The following CACNG2 variants were observed in gnomAD, a reference collection of about 807,000 sequenced individuals.
CACNG2 encodes the protein voltage-dependent calcium channel gamma-2 subunit.
Under a neutral mutation model 25.9 loss-of-function variants are expected in CACNG2, and 3 were observed. That is an observed-to-expected ratio of 0.12 (90% CI 0.05 to 0.30). The LOEUF (loss-of-function observed/expected upper bound fraction) is 0.30, where lower values mean the gene tolerates loss of function less well. CACNG2 is among the 10% of genes least tolerant of loss of function. The probability of loss-of-function intolerance (pLI) is 1.00; values close to 1 mark genes in which losing one functional copy is unlikely to be tolerated. For missense variants in CACNG2, 341 were observed against 432.5 expected, an observed-to-expected ratio of 0.79 and a Z score of 1.88; for synonymous variants, 167 against 173.3, an observed-to-expected ratio of 0.96 and a Z score of 0.29.
At chr22:36,686,930 T>TA (rs1373755322) in intron 1 of CACNG2, among the ~76,000 whole-genome samples, 1 of 152,242 alleles carries the variant, frequency 6.6e-6, no homozygotes, top group Non-Finnish European at 1.5e-5. Context: ...GAATAAAGGT[T>TA]ATCTTTTCCA....
rs1056243724 is a variant in CACNG2 at position 36,616,559 on chromosome 22, G to A, written c.212-29011C>T. Among the ~76,000 whole-genome samples, 6 of 152,142 alleles carry A rather than the reference G, an allele frequency of 3.9e-5. No homozygotes were observed. In the South Asian group the frequency reaches 1.2e-3, roughly 32 times the overall value. On this transcript the variant is annotated intron_variant, in intron 1 of 3. Coordinates refer to ENST00000300105, the MANE Select transcript of CACNG2 (RefSeq NM_006078.5). Reference sequence around the variant, plus strand: ...TATTGCTGATAGAGGTCTGGACAAAGTGTGACTGTTTTCCTTTTTCATTGA... The same window carrying A: ...TATTGCTGATAGAGGTCTGGACAAAATGTGACTGTTTTCCTTTTTCATTGA...
At position 36,635,216 on chromosome 22, in the gene CACNG2, G is replaced by T. The variant is rs565385220; in HGVS notation, c.212-47668C>A. Among the ~76,000 whole-genome samples the T allele has an allele frequency of 9.9e-5, 15 of 151,486 alleles. No individual in the cohort carries two copies. The South Asian group carries it at 2.9e-3, about 30-fold the overall frequency. ...GGAGAATGGTGTGAACCCGGGAGGC[G>T]GAGCTTGCAGTGAGCTGAGATTGCG... On this transcript the variant is annotated intron_variant, in intron 1 of 3. Coordinates refer to ENST00000300105, the MANE Select transcript of CACNG2 (RefSeq NM_006078.5).
chr22:36,578,263 C>A (rs1254080576), intron 2 of CACNG2, among the ~76,000 whole-genome samples: 1 of 150,604 alleles, frequency 6.6e-6, no homozygotes, highest in East Asian at 1.9e-4. Context: ...GCTACTGAGA[C>A]AGAAGAATTG....
intron 2 of CACNG2, among the ~76,000 whole-genome samples, chr22:36,572,897 C>T (rs928669754): frequency 5.9e-5 from 9 of 152,102 alleles, no homozygotes; most frequent in African/African-American, 1.7e-4. Flanking sequence ...GAGTGCCCAC[C>T]GCTGTGCTAG....
At chr22:36,629,506 TTG>T (rs150636418) in intron 1 of CACNG2, among the ~76,000 whole-genome samples, 71 of 148,422 alleles carry the variant, frequency 4.8e-4, no homozygotes, top group African/African-American at 1.5e-3. Context: ...GTGTGTGTGT[TTG>T]TGTGTGTGTG....
chr22:36,664,673 G>A (rs992851935), intron 1 of CACNG2, among the ~76,000 whole-genome samples: 17 of 152,330 alleles, frequency 1.1e-4, no homozygotes, highest in African/African-American at 3.6e-4. Context: ...AGCTGAGAGC[G>A]GTGGTGCAGT....
In CACNG2 at chr22:36,562,583, T is replaced by C. The variant is rs1935046836; in HGVS notation, c.*1768A>G. 6.6e-6 allele frequency: 1 copy of C among 152,176 alleles called. No homozygotes were observed. Among genetic ancestry groups the C allele is most frequent in the Non-Finnish European group, 1.5e-5 (1 of 68,048 alleles). 9.4% of individuals were successfully genotyped at this position (152,176 alleles called of 1,614,324 possible). On this transcript the variant is annotated 3_prime_UTR_variant, in exon 4 of 4. Transcript: ENST00000300105. ...AACACAAAGGCCAGTGTGGAGTTGT[T>C]GTCGTCCATGGCTTTGGAGGGCATG...
At chr22:36,690,877 CA>C (rs1937260134) in intron 1 of CACNG2, among the ~76,000 whole-genome samples, 1 of 152,210 alleles carries the variant, frequency 6.6e-6, no homozygotes, top group Non-Finnish European at 1.5e-5. Flanking sequence ...CTCACTCATT[CA>C]TTCAACAAAC....
intron 2 of CACNG2, among the ~76,000 whole-genome samples, chr22:36,567,519 G>A (rs887801660): frequency 6.6e-6 from 1 of 151,458 alleles, no homozygotes; most frequent in African/African-American, 2.4e-5. Flanking sequence ...CAGGACCGGA[G>A]AAGAAAAGAA....
chr22:36,568,723 T>C (rs1935172904), intron 2 of CACNG2, among the ~76,000 whole-genome samples: 1 of 152,128 alleles, frequency 6.6e-6, no homozygotes, highest in South Asian at 2.1e-4. Flanking sequence ...GAGATGTGTG[T>C]GATGTGAAAA....
At chr22:36,614,030 C>G (rs1259962590) in intron 1 of CACNG2, among the ~76,000 whole-genome samples, 1 of 152,186 alleles carries the variant, frequency 6.6e-6, no homozygotes, top group Non-Finnish European at 1.5e-5. Context: ...TTCCCTACCA[C>G]TGATTACTTC....
At chr22:36,691,383 G>C (rs1292262782) in intron 1 of CACNG2, among the ~76,000 whole-genome samples, 1 of 152,144 alleles carries the variant, frequency 6.6e-6, no homozygotes, top group African/African-American at 2.4e-5. Flanking sequence ...TGCATTTTGA[G>C]GGAACTTCTG....
intron 1 of CACNG2, among the ~76,000 whole-genome samples, chr22:36,603,826 AG>A (rs1935792027): frequency 6.6e-6 from 1 of 152,230 alleles, no homozygotes; most frequent in Non-Finnish European, 1.5e-5. Context: ...CTGGTTCTCA[AG>A]AGCTCTGATG....
chr22:36,626,895 G>A (rs924485172), intron 1 of CACNG2, among the ~76,000 whole-genome samples: 1 of 152,222 alleles, frequency 6.6e-6, no homozygotes, highest in African/African-American at 2.4e-5. Context: ...CATTTATTCG[G>A]TGCAAGCCGA....
At chr22:36,662,201 C>T (rs904600257) in intron 1 of CACNG2, among the ~76,000 whole-genome samples, 56 of 151,874 alleles carry the variant, frequency 3.7e-4, no homozygotes, top group African/African-American at 1.3e-3. Flanking sequence ...AGGCTGGTCT[C>T]GAACTCCTGA....
At chr22:36,589,986 G>A (rs1935561920) in intron 1 of CACNG2, among the ~76,000 whole-genome samples, 1 of 152,162 alleles carries the variant, frequency 6.6e-6, no homozygotes. Flanking sequence ...GCCGGTGCCA[G>A]GCATCTTTAT....
intron 1 of CACNG2, among the ~76,000 whole-genome samples, chr22:36,654,253 C>T (rs1009047899): frequency 9.9e-5 from 15 of 151,932 alleles, no homozygotes; most frequent in African/African-American, 3.4e-4. Context: ...CCATGTTTCT[C>T]TTTCTTCTTG....
chr22:36,599,479 C>T (rs113237648), intron 1 of CACNG2, among the ~76,000 whole-genome samples: 16 of 152,196 alleles, frequency 1.1e-4, no homozygotes, highest in South Asian at 6.2e-4. Context: ...GTGGGAGGAT[C>T]GCATGAGCCC....
At chr22:36,610,860 C>T (rs1935929748) in intron 1 of CACNG2, among the ~76,000 whole-genome samples, 1 of 152,206 alleles carries the variant, frequency 6.6e-6, no homozygotes, top group South Asian at 2.1e-4. Context: ...AAGGCCTCTG[C>T]CACCCTCGCT....
Sources: gnomAD v4.1 joint callset for allele counts (sites outside exome capture counted in the v4.1 genomes callset) on GRCh38, gnomAD v4.1.1 for gene constraint, MANE v1.5 for transcripts, NCBI Gene and HGNC (gene_info 2026-07-23, HGNC 2026-07-21) for gene names.